Variants in CNNM2 observed in about 807,000 individuals in gnomAD.
CNNM2 encodes the protein metal transporter CNNM2.
CNNM2 carries 12 observed loss-of-function variants against 66.9 expected under a neutral mutation model. The observed-to-expected ratio is 0.18, with a 90% confidence interval of 0.11 to 0.29. The LOEUF (loss-of-function observed/expected upper bound fraction) is 0.29, where lower values mean the gene tolerates loss of function less well. Ranked by LOEUF, CNNM2 falls within the 10% of genes least tolerant of loss-of-function variation. The pLI is 1.00. For missense variants in CNNM2, 705 were observed against 1,167.7 expected (o/e 0.60, Z 5.77); for synonymous variants, 557 against 501.8 (o/e 1.11, Z -1.47).
In CNNM2 at chr10:102,977,940, T is replaced by TG. The variant is rs145010450; in HGVS notation, c.1621+57840dup. Among the ~76,000 whole-genome samples, 14,385 of 152,066 alleles carry TG rather than the reference T, an allele frequency of 0.095. 875 individuals are homozygous for TG. The highest frequency in any genetic ancestry group is 0.28 in the East Asian group (1,419 of 5,132). ...TGTTGTTGTCGTCGAGACAGAGTCT[T>TG]GCTCTGTTGCCCAGGCTGGAGTGCA... is the stretch of plus-strand genomic sequence containing the variant. On this transcript the variant is annotated intron_variant, in intron 1 of 7. Transcript: ENST00000369878.
At chr10:102,939,774 C>G (rs550464119) in intron 1 of CNNM2, among the ~76,000 whole-genome samples, 2 of 152,206 alleles carry the variant, frequency 1.3e-5, no homozygotes, top group African/African-American at 4.8e-5. Flanking sequence ...AGTTCAAGAT[C>G]AGCATGACCA....
In CNNM2 at chr10:103,086,727, G is replaced by GTAGC. The variant is rs1412307397; in HGVS notation, c.*9549_*9552dup. 1 of 152,188 alleles carries GTAGC rather than the reference G, an allele frequency of 6.6e-6. No homozygotes were observed. The highest frequency in any genetic ancestry group is 6.5e-5 in the Admixed American group (1 of 15,284). The allele number at this position is 152,188 out of a possible 1,614,324, so 9.4% of individuals were successfully genotyped here. A position where few individuals can be genotyped will look rare whatever the true frequency, so the allele number is the denominator to read the frequency against. On this transcript the variant is annotated 3_prime_UTR_variant, in exon 8 of 8. Transcript: ENST00000369878. The stretch of plus-strand genomic sequence containing the variant: ...AAACGACTTCTAAAAGTATCTTAGG[G>GTAGC]TAGCTTGAAGGGTTTGCGTTATTAT...
chr10:102,989,979 C>G (rs1480306716), intron 1 of CNNM2, among the ~76,000 whole-genome samples: 1 of 148,700 alleles, frequency 6.7e-6, no homozygotes, highest in Non-Finnish European at 1.5e-5. Context: ...GAGTCTGGCT[C>G]TGTCACCCAG....
At chr10:103,041,106 G>T (rs1590444451) in intron 1 of CNNM2, among the ~76,000 whole-genome samples, 2 of 152,218 alleles carry the variant, frequency 1.3e-5, no homozygotes, top group South Asian at 2.1e-4. Context: ...TCGCCTTGGA[G>T]CCTGAAGTCT....
intron 4 of CNNM2, 28 bp from the exon 5 acceptor site, chr10:103,068,601 T>C (rs1384484180): frequency 1.3e-6 from 2 of 1,583,304 alleles, no homozygotes; most frequent in Admixed American, 1.8e-5. Context: ...GCAACTGGAC[T>C]GAAAATACCT....
chr10:102,961,348 A>G (rs746830434), intron 1 of CNNM2, among the ~76,000 whole-genome samples: 6 of 152,246 alleles, frequency 3.9e-5, no homozygotes, highest in Non-Finnish European at 5.9e-5. Flanking sequence ...AGCCTTCATC[A>G]TGAGCCAAGA....
intron 5 of CNNM2, among the ~76,000 whole-genome samples, chr10:103,069,184 A>G (rs1032626654): frequency 6.6e-6 from 1 of 152,074 alleles, no homozygotes; most frequent in African/African-American, 2.4e-5. Flanking sequence ...CTAGTATGCC[A>G]CTGTGTGAAT....
At chr10:102,951,476 G>A (rs1232887974) in intron 1 of CNNM2, among the ~76,000 whole-genome samples, 1 of 151,990 alleles carries the variant, frequency 6.6e-6, no homozygotes, top group Non-Finnish European at 1.5e-5. Flanking sequence ...GGATTATGGG[G>A]ATGAGCCACC....
chr10:103,014,972 T>TC (rs1173398939), intron 1 of CNNM2, among the ~76,000 whole-genome samples: 5 of 152,088 alleles, frequency 3.3e-5, no homozygotes, highest in African/African-American at 1.2e-4. Flanking sequence ...ATATCTGATA[T>TC]CCCCAGGCAC....
At chr10:103,026,801 G>A (rs1391083104) in intron 1 of CNNM2, among the ~76,000 whole-genome samples, 2 of 152,082 alleles carry the variant, frequency 1.3e-5, no homozygotes, top group African/African-American at 4.8e-5. Context: ...TTGTTACATG[G>A]AGGTCAGTTA....
At chr10:102,944,986 T>TTTTTTG (rs1846561828) in intron 1 of CNNM2, among the ~76,000 whole-genome samples, 3 of 112,260 alleles carry the variant, frequency 2.7e-5, no homozygotes, top group Admixed American at 1.7e-4. Context: ...TTTGTTTTTT[T>TTTTTTG]TTTTGGCAAG....
chr10:102,957,826 G>A (rs1232602245), intron 1 of CNNM2, among the ~76,000 whole-genome samples: 1 of 152,186 alleles, frequency 6.6e-6, no homozygotes, highest in Non-Finnish European at 1.5e-5. Context: ...GGCATTACTT[G>A]TTTGCTTCTC....
intron 1 of CNNM2, among the ~76,000 whole-genome samples, chr10:102,957,532 A>G (rs1379863140): frequency 6.6e-6 from 1 of 152,220 alleles, no homozygotes; most frequent in Non-Finnish European, 1.5e-5. Context: ...AACATTTATC[A>G]AGAATCTATT....
At chr10:102,959,134 C>T (rs150018280) in intron 1 of CNNM2, among the ~76,000 whole-genome samples, 338 of 151,874 alleles carry the variant, frequency 2.2e-3, no homozygotes, top group African/African-American at 7.6e-3. Flanking sequence ...GAGGTTTTAC[C>T]ATGTTGCCTA....
At chr10:102,923,628 T>C (rs1590253132) in intron 1 of CNNM2, among the ~76,000 whole-genome samples, 1 of 152,320 alleles carries the variant, frequency 6.6e-6, no homozygotes, top group Middle Eastern at 3.4e-3. Flanking sequence ...TTTAAACATA[T>C]ATATGGCTTT....
At chr10:103,023,087 T>A (rs181752866) in intron 1 of CNNM2, among the ~76,000 whole-genome samples, 233 of 152,182 alleles carry the variant, frequency 1.5e-3, no homozygotes, top group African/African-American at 5.1e-3. Flanking sequence ...TATTTTTTAG[T>A]AGGGAGGGCG....
chr10:102,979,925 T>TA (rs997512822), intron 1 of CNNM2, among the ~76,000 whole-genome samples: 23 of 152,174 alleles, frequency 1.5e-4, no homozygotes, highest in African/African-American at 3.6e-4. Flanking sequence ...TTTTTATTTT[T>TA]TTTTTTGAGA....
At chr10:103,075,429 G>C (rs1036491780) in intron 6 of CNNM2, among the ~76,000 whole-genome samples, 1 of 152,104 alleles carries the variant, frequency 6.6e-6, no homozygotes, top group Non-Finnish European at 1.5e-5. Context: ...TGTTTTAAGG[G>C]AAGGATGCCA....
intron 1 of CNNM2, among the ~76,000 whole-genome samples, chr10:102,954,126 C>CTTTTCT (rs1445691957): frequency 3.8e-5 from 5 of 133,078 alleles, no homozygotes; most frequent in African/African-American, 1.4e-4. Context: ...CTTTTCTTTT[C>CTTTTCT]TTTTTTTTTT....
Sources: allele counts gnomAD v4.1 joint callset (sites outside exome capture counted in the v4.1 genomes callset), GRCh38; gene constraint gnomAD v4.1.1; transcripts MANE v1.5; gene names NCBI Gene and HGNC (gene_info 2026-07-23, HGNC 2026-07-21).